Variants in AP1M1 observed in about 807,000 individuals in gnomAD.
AP1M1 encodes AP-1 complex subunit mu-1.
In AP1M1, 18 loss-of-function variants were observed where a neutral mutation model predicts 57.1. That is an observed-to-expected ratio of 0.32 (90% CI 0.22 to 0.47). AP1M1 has a LOEUF of 0.47. Ranked by LOEUF, AP1M1 falls within the 20% of genes least tolerant of loss-of-function variation. The pLI is 1.00. For missense variants in AP1M1, 362 were observed against 593.5 expected (o/e 0.61, Z 4.05); for synonymous variants, 241 against 237.9 (o/e 1.01, Z -0.12).
At chr19:16,220,633 T>C (rs4808473) in intron 5 of AP1M1, among the ~76,000 whole-genome samples, 100,051 of 151,942 alleles carry the variant, frequency 0.66, 35,200 homozygotes, top group Non-Finnish European at 0.8. Context: ...TCAAGTGATC[T>C]GCTCACCCCG....
chr19:16,240,252 GTGTGTGTGTGTGTGTGTGTGTA>G lies in AP1M1; in HGVS notation c.*5839_*5860del, dbSNP rs768940844. ...TATGGAGGGACGACTCTGTGTGTGTGTGTGTGTGTGTGTGTGTGTGTATGTGTGTGTGTGTGTGTGTGTGTGT... is the reference window on the plus strand; with the variant it reads ...TATGGAGGGACGACTCTGTGTGTGTGTGTGTGTGTGTGTGTGTGTGTGTGT... On this transcript the variant is annotated 3_prime_UTR_variant, in exon 12 of 12. Transcript: ENST00000291439. 3,547 of 47,812 alleles carry G rather than the reference GTGTGTGTGTGTGTGTGTGTGTA, an allele frequency of 0.074. 68 individuals are homozygous for G. The highest frequency in any genetic ancestry group is 0.11 in the African/African-American group (1,570 of 14,884). The allele number at this position is 47,812 out of a possible 1,614,324, so 3.0% of individuals were successfully genotyped here.
Position 16,216,444 on chromosome 19 carries a change from C to CA in AP1M1, c.546+7281dup, listed in dbSNP as rs796076286. ...TGGGCGACAGAGCGAAACTCCGTCT[C>CA]AAAAAAAAAAAAAAGAACTCTTGCT... On this transcript the variant is annotated intron_variant, in intron 5 of 11. Transcript: ENST00000291439. Among the ~76,000 whole-genome samples the CA allele has an allele frequency of 7.5e-3, 875 of 116,896 alleles. 4 individuals carry two copies. The highest frequency in any genetic ancestry group is 0.022 in the African/African-American group (697 of 31,038). The allele number at this position is 116,896 out of a possible 152,430, so 76.7% of individuals were successfully genotyped here. A position where few individuals can be genotyped will look rare whatever the true frequency, so the allele number is the denominator to read the frequency against.
chr19:16,227,729 C>T lies in AP1M1; in HGVS notation c.816+39C>T, dbSNP rs766446271. ...CCTGGGGCTGGGCTGTCGGCAGACTCCTCCTCCCCTTCACCTCCAGGAGGT... is the reference window on the plus strand; with the variant it reads ...CCTGGGGCTGGGCTGTCGGCAGACTTCTCCTCCCCTTCACCTCCAGGAGGT... On this transcript the variant is annotated intron_variant, in intron 7 of 11. Coordinates refer to ENST00000291439, the MANE Select transcript of AP1M1 (RefSeq NM_032493.4). The surrounding 1 kb of genome is among the most constrained non-coding windows in gnomAD (Gnocchi z 6.2). 6.3e-7 allele frequency: 1 copy of T among 1,598,736 alleles called. No individual in the cohort carries two copies. The highest frequency in any genetic ancestry group is 2.2e-5 in the East Asian group (1 of 44,466).
Position 16,203,339 on chromosome 19 carries a change from T to C in AP1M1, c.43-120T>C. 2 of 964,778 alleles carry C rather than the reference T, an allele frequency of 2.1e-6. No individual in the cohort carries two copies. The highest frequency in any genetic ancestry group is 3.2e-6 in the Non-Finnish European group (2 of 630,002). The allele number at this position is 964,778 out of a possible 1,614,324, so 59.8% of individuals were successfully genotyped here. On this transcript the variant is annotated intron_variant, in intron 1 of 11. Transcript: ENST00000291439. This position sits in a 1 kb window ranked among gnomAD's most constrained non-coding sequence, Gnocchi z 4.6. ...GCCTCAAGTCCTGCTCTTTTGCGGA[T>C]AGTGGCCATGACCGGAGTCCCCAGA...
chr19:16,215,200 C>CGGGGGGGGGGGG (rs1192567428), intron 5 of AP1M1, among the ~76,000 whole-genome samples: 4 of 7,368 alleles, frequency 5.4e-4, no homozygotes, highest in African/African-American at 1.7e-3. Flanking sequence ...AAGGCGGGGG[C>CGGGGGGGGGGGG]GGGGGGGGGG....
chr19:16,231,041 C>G (rs1164724601), intron 9 of AP1M1, among the ~76,000 whole-genome samples: 1 of 152,008 alleles, frequency 6.6e-6, no homozygotes. Context: ...GTAATCCCAG[C>G]ACTTTCGGAG....
At chr19:16,211,565 G>A (rs1419531691) in intron 5 of AP1M1, among the ~76,000 whole-genome samples, 1 of 151,862 alleles carries the variant, frequency 6.6e-6, no homozygotes, top group Non-Finnish European at 1.5e-5. Context: ...TAGTTGGCTG[G>A]GCATGGTAGC....
At position 16,211,254 on chromosome 19, in the gene AP1M1, C is replaced by G. The variant is rs538723926; in HGVS notation, c.546+2077C>G. ...GATTACAGACGCATGCCACCATGCC[C>G]GGCTAATTTTTGTATTTTTAGTCGA... On this transcript the variant is annotated intron_variant, in intron 5 of 11. Transcript: ENST00000291439. 4.6e-5 allele frequency among the ~76,000 whole-genome samples: 7 copies of G among 151,962 alleles called. No homozygotes were observed. The East Asian group carries it at 7.8e-4, about 17-fold the overall frequency.
Position 16,241,672 on chromosome 19 carries a change from G to A in AP1M1, c.*7237G>A, listed in dbSNP as rs2091646173. 1 of 152,042 alleles carries A rather than the reference G, an allele frequency of 6.6e-6. No individual in the cohort carries two copies. The highest frequency in any genetic ancestry group is 2.1e-4 in the South Asian group (1 of 4,816). 9.4% of individuals were successfully genotyped at this position (152,042 alleles called of 1,614,324 possible). A position where few individuals can be genotyped will look rare whatever the true frequency, so the allele number is the denominator to read the frequency against. Reference sequence around the variant, plus strand: ...AAAGAAAACTTTTAACAGATTAATAGGAAGAAGGAAAAGAGAAGGAGGCGT... The same window carrying A: ...AAAGAAAACTTTTAACAGATTAATAAGAAGAAGGAAAAGAGAAGGAGGCGT... On this transcript the variant is annotated 3_prime_UTR_variant, in exon 12 of 12. Coordinates refer to ENST00000291439, the MANE Select transcript of AP1M1 (RefSeq NM_032493.4).
chr19:16,209,540 T>C (rs2091484779), intron 5 of AP1M1, among the ~76,000 whole-genome samples: 1 of 151,908 alleles, frequency 6.6e-6, no homozygotes, highest in African/African-American at 2.4e-5. Context: ...TGAGAATCCA[T>C]ACATGCACAT....
intron 9 of AP1M1, among the ~76,000 whole-genome samples, chr19:16,231,132 C>CAA (rs976468083): frequency 6.6e-6 from 1 of 151,596 alleles, no homozygotes; most frequent in African/African-American, 2.4e-5. Flanking sequence ...ACTAAAAATA[C>CAA]AAAAAATTAG....
intron 10 of AP1M1, among the ~76,000 whole-genome samples, 161 bp downstream of exon 10, chr19:16,233,779 CCTCTG>C (rs1425001770): frequency 2.0e-5 from 3 of 152,190 alleles, no homozygotes; most frequent in Non-Finnish European, 4.4e-5. Context: ...GGCCAGGCTG[CCTCTG>C]CTCAGCCCTG....
chr19:16,228,788 C>T lies in AP1M1; in HGVS notation c.907C>T (p.Arg303Trp). Residue 303 changes from arginine to tryptophan, a missense_variant, in exon 9 of 12, where the codon CGG becomes TGG. By Grantham distance (101) the Arg-to-Trp change is moderately radical. Transcript: ENST00000291439. This position sits in a 1 kb window ranked among gnomAD's most constrained non-coding sequence, Gnocchi z 5.0. ...YMIKAKSQFK[R>W]RSTANNVEIH... Reference sequence around the variant, plus strand: ...CCTGCAGGCCAAAAGCCAGTTCAAGCGGCGGTCAACAGCCAACAACGTGGA... The same window carrying T: ...CCTGCAGGCCAAAAGCCAGTTCAAGTGGCGGTCAACAGCCAACAACGTGGA... The T allele has an allele frequency of 1.9e-6, 3 of 1,613,964 alleles. No individual in the cohort carries two copies. Among genetic ancestry groups the T allele is most frequent in the Non-Finnish European group, 2.5e-6 (3 of 1,180,008 alleles).
rs1215169759 is a variant in AP1M1, at chr19:16,233,475, C to T, written c.1048-18C>T. On this transcript the variant is annotated intron_variant, in intron 9 of 11. Coordinates refer to ENST00000291439, the MANE Select transcript of AP1M1 (RefSeq NM_032493.4). Reference sequence around the variant, plus strand: ...GGGCAGGGCCTAGGCCTGAGCGCCTCCCCCGTCTGCTCCCCAGGGCGGCAA... The same window carrying T: ...GGGCAGGGCCTAGGCCTGAGCGCCTTCCCCGTCTGCTCCCCAGGGCGGCAA... The T allele has an allele frequency of 2.1e-5, 33 of 1,585,322 alleles. No individual in the cohort carries two copies. The highest frequency in any genetic ancestry group is 2.8e-5 in the Non-Finnish European group (33 of 1,166,966).
At position 16,215,463 on chromosome 19, in the gene AP1M1, CAAAAAAAAAAAAAAAAA is replaced by C. The variant is rs59357311; in HGVS notation, c.546+6299_546+6315del. On this transcript the variant is annotated intron_variant, in intron 5 of 11. Coordinates refer to ENST00000291439, the MANE Select transcript of AP1M1 (RefSeq NM_032493.4). Reference sequence around the variant, plus strand: ...TGGGCCACAGAATGAGATTCCATCTCAAAAAAAAAAAAAAAAAAAAAAAAAAAAAGAATGTTTAATAT... The same window carrying C: ...TGGGCCACAGAATGAGATTCCATCTCAAAAAAAAAAAAGAATGTTTAATAT... Among the ~76,000 whole-genome samples the C allele has an allele frequency of 5.2e-4, 16 of 31,002 alleles. No homozygotes were observed. In the South Asian group the frequency reaches 0.025, roughly 48 times the overall value. 20.3% of individuals were successfully genotyped at this position (31,002 alleles called of 152,430 possible). A position where few individuals can be genotyped will look rare whatever the true frequency, so the allele number is the denominator to read the frequency against.
chr19:16,204,119 T>C (rs1319194082), intron 2 of AP1M1, among the ~76,000 whole-genome samples: 9 of 151,262 alleles, frequency 5.9e-5, no homozygotes. Flanking sequence ...TTCTGGCTGC[T>C]GAGTGGGGCA....
chr19:16,224,315 A>G (rs1312138829), intron 5 of AP1M1, among the ~76,000 whole-genome samples: 2 of 152,198 alleles, frequency 1.3e-5, no homozygotes, highest in Non-Finnish European at 2.9e-5. Context: ...TCGAGCAGGA[A>G]AGCGCTAGGG....
At position 16,209,148 on chromosome 19, in the gene AP1M1, T is replaced by C. The variant is rs773912765; in HGVS notation, c.517T>C (p.Leu173=). The change falls in exon 5 of 12, where the codon TTG becomes CTG. Residue 173 remains leucine (L), a synonymous_variant. Coordinates refer to ENST00000291439, the MANE Select transcript of AP1M1 (RefSeq NM_032493.4). ...CAAGTATCGGAAGAATGAGGTGTTC[T>C]TGGACGTCATCGAGTCTGTCAACCT... ...GIKYRKNEVF[L]DVIESVNLLV... is the part of the protein sequence containing the mutation. 1.9e-6 allele frequency: 3 copies of C among 1,614,272 alleles called. No individual in the cohort carries two copies. The Admixed American group carries it at 5.0e-5, about 27-fold the overall frequency.
intron 5 of AP1M1, among the ~76,000 whole-genome samples, chr19:16,219,973 G>A (rs1406939887): frequency 1.0e-5 from 1 of 98,294 alleles, no homozygotes; most frequent in African/African-American, 3.9e-5. Context: ...TTTTGTTGGA[G>A]ATTTTTGGAT....
Sources: allele counts gnomAD v4.1 joint callset (sites outside exome capture counted in the v4.1 genomes callset), GRCh38; gene constraint gnomAD v4.1.1; non-coding constraint Gnocchi (gnomAD v3.1); transcripts MANE v1.5; gene names NCBI Gene and HGNC (gene_info 2026-07-23, HGNC 2026-07-21).